ZNF608: variants seen among roughly 807,000 people sequenced by gnomAD.
ZNF608 encodes the protein zinc finger protein 608.
ZNF608 carries 12 observed loss-of-function variants against 109.0 expected under a neutral mutation model. The ratio of observed to expected loss-of-function variants is 0.11; its 90% CI spans 0.07 to 0.18. The LOEUF (loss-of-function observed/expected upper bound fraction) is 0.18. Among genes scored for constraint, ZNF608 ranks in the 10% least tolerant of loss-of-function variants. The pLI, the probability that ZNF608 is intolerant of heterozygous loss-of-function variation, is 1.00. For missense variants in ZNF608, 1,707 were observed against 1,879.3 expected, an observed-to-expected ratio of 0.91 and a Z score of 1.70; for synonymous variants, 732 against 717.4, an observed-to-expected ratio of 1.02 and a Z score of -0.33.
In ZNF608 at chr5:124,646,779, T is replaced by A; in HGVS notation, c.3605A>T (p.Gln1202Leu). Residue 1202 changes from glutamine (Q) to leucine (L), a missense_variant, in exon 5 of 10, where the codon CAG (glutamine) becomes CTG (leucine). By Grantham distance (113) the Gln-to-Leu change is moderately radical. Transcript: ENST00000513986. Reference protein sequence around the residue: ...QLQADSFKAKQMENHQLIKEA... With the variant: ...QLQADSFKAKLMENHQLIKEA... ...CTTAATAAGCTGGTGGTTTTCCATC[T>A]GCTTAGCTTTGAAGCTGTCGGCCTG... is the stretch of plus-strand genomic sequence containing the variant. 6.2e-7 allele frequency: 1 copy of A among 1,614,264 alleles called. No individual in the cohort carries two copies. Among genetic ancestry groups the A allele is most frequent in the Non-Finnish European group, 8.5e-7 (1 of 1,180,050 alleles).
chr5:124,737,524 C>A (rs910726035), intron 2 of ZNF608, among the ~76,000 whole-genome samples: 1 of 152,124 alleles, frequency 6.6e-6, no homozygotes, highest in South Asian at 2.1e-4. Context: ...CAATATATAC[C>A]TTTAAGTTTT....
rs371486726 is a variant in ZNF608 at position 124,652,887 on chromosome 5, T to G, written c.1163-3190A>C. Among the ~76,000 whole-genome samples the G allele has an allele frequency of 3.9e-4, 59 of 152,376 alleles. No homozygotes were observed. The South Asian group carries it at 0.012, about 30-fold the overall frequency. On this transcript the variant is annotated intron_variant, in intron 3 of 9. Coordinates refer to ENST00000513986, the MANE Select transcript of ZNF608 (RefSeq NM_020747.3). ...TGGGCATAAAGTTCTATTTCTCACATGTGAATTGGAAATAAGTGTACACTT... is the reference window on the plus strand; with the variant it reads ...TGGGCATAAAGTTCTATTTCTCACAGGTGAATTGGAAATAAGTGTACACTT...
chr5:124,716,123 A>C (rs909971643), intron 2 of ZNF608, among the ~76,000 whole-genome samples: 40 of 146,336 alleles, frequency 2.7e-4, no homozygotes, highest in Non-Finnish European at 4.2e-4. Flanking sequence ...AGCCTGGGCG[A>C]CAGAGCGAGA....
chr5:124,698,708 T>A (rs1429456683), intron 3 of ZNF608, among the ~76,000 whole-genome samples: 1 of 152,196 alleles, frequency 6.6e-6, no homozygotes, highest in East Asian at 1.9e-4. Flanking sequence ...ACCTTACAGC[T>A]CTTTAAGCAT....
At chr5:124,722,915 ATTAT>A (rs1753989433) in intron 2 of ZNF608, among the ~76,000 whole-genome samples, 1 of 152,192 alleles carries the variant, frequency 6.6e-6, no homozygotes, top group Non-Finnish European at 1.5e-5. Flanking sequence ...TGGATCAAAA[ATTAT>A]TTAAGTAGAA....
At chr5:124,737,024 T>C (rs2149899104) in intron 2 of ZNF608, among the ~76,000 whole-genome samples, 1 of 152,178 alleles carries the variant, frequency 6.6e-6, no homozygotes, top group South Asian at 2.1e-4. Context: ...TACCCTTCAA[T>C]GAAAAGAAGC....
At chr5:124,676,942 A>G (rs1335361097) in intron 3 of ZNF608, among the ~76,000 whole-genome samples, 1 of 152,214 alleles carries the variant, frequency 6.6e-6, no homozygotes, top group Non-Finnish European at 1.5e-5. Context: ...GAGGGCAACA[A>G]CCACAATAGG....
At chr5:124,725,914 C>A (rs918740002) in intron 2 of ZNF608, among the ~76,000 whole-genome samples, 10 of 152,078 alleles carry the variant, frequency 6.6e-5, no homozygotes, top group African/African-American at 1.9e-4. Context: ...GACAGATATT[C>A]CCTGATCTCT....
At chr5:124,726,370 G>A (rs999470025) in intron 2 of ZNF608, among the ~76,000 whole-genome samples, 1 of 151,972 alleles carries the variant, frequency 6.6e-6, no homozygotes, top group African/African-American at 2.4e-5. Context: ...ATAATCACTT[G>A]GCAGCCACAG....
At chr5:124,690,924 A>AACACACAC (rs35022360) in intron 3 of ZNF608, among the ~76,000 whole-genome samples, 974 of 86,976 alleles carry the variant, frequency 0.011, 11 homozygotes, top group African/African-American at 0.049. Context: ...GCAACAGAAA[A>AACACACAC]ACACACACAC....
At chr5:124,677,620 A>G (rs1158598485) in intron 3 of ZNF608, among the ~76,000 whole-genome samples, 8 of 152,052 alleles carry the variant, frequency 5.3e-5, no homozygotes, top group Admixed American at 4.6e-4. Flanking sequence ...AGCCAACCCA[A>G]CTATTTCAGG....
At chr5:124,693,709 G>T (rs1278178911) in intron 3 of ZNF608, among the ~76,000 whole-genome samples, 2 of 152,082 alleles carry the variant, frequency 1.3e-5, no homozygotes, top group African/African-American at 4.8e-5. Flanking sequence ...TAAAGTGACG[G>T]TCTATGTTGT....
chr5:124,681,912 A>G (rs1251454726), intron 3 of ZNF608, among the ~76,000 whole-genome samples: 1 of 152,208 alleles, frequency 6.6e-6, no homozygotes, highest in African/African-American at 2.4e-5. Flanking sequence ...CTCAAAGCAA[A>G]GGAGCATAAT....
intron 3 of ZNF608, among the ~76,000 whole-genome samples, chr5:124,651,970 T>A (rs550767854): frequency 6.6e-6 from 1 of 152,322 alleles, no homozygotes; most frequent in East Asian, 1.9e-4. Context: ...AAAGCTTCGG[T>A]CTGCGTGACC....
chr5:124,698,331 T>C (rs1388430545), intron 3 of ZNF608, among the ~76,000 whole-genome samples: 1 of 152,252 alleles, frequency 6.6e-6, no homozygotes, highest in African/African-American at 2.4e-5. Context: ...ACATTAAACA[T>C]ACATCTTATG....
At chr5:124,664,279 A>AG (rs1751390052) in intron 3 of ZNF608, among the ~76,000 whole-genome samples, 1 of 152,226 alleles carries the variant, frequency 6.6e-6, no homozygotes, top group Admixed American at 6.5e-5. Context: ...TGGAAACTGC[A>AG]GGAGGTCAAA....
chr5:124,736,041 G>GA (rs11407317), intron 2 of ZNF608, among the ~76,000 whole-genome samples: 39,444 of 143,108 alleles, frequency 0.28, 5,817 homozygotes, highest in East Asian at 0.69. Context: ...CACTTATTTT[G>GA]AAAAAAAAAA....
intron 3 of ZNF608, among the ~76,000 whole-genome samples, chr5:124,674,206 G>A (rs1371681609): frequency 9.9e-5 from 15 of 152,144 alleles, no homozygotes; most frequent in Admixed American, 9.8e-4. Flanking sequence ...GAATCATCAG[G>A]TAAAGTCAGA....
intron 3 of ZNF608, among the ~76,000 whole-genome samples, chr5:124,652,186 T>G (rs1322292964): frequency 6.6e-6 from 1 of 152,218 alleles, no homozygotes; most frequent in Non-Finnish European, 1.5e-5. Flanking sequence ...TGCAACTTCC[T>G]CACTGTAAAA....
Sources: gnomAD v4.1 joint callset for allele counts (sites outside exome capture counted in the v4.1 genomes callset) on GRCh38, gnomAD v4.1.1 for gene constraint, MANE v1.5 for transcripts, NCBI Gene and HGNC (gene_info 2026-07-23, HGNC 2026-07-21) for gene names.